DOCK3: variants seen among roughly 807,000 people sequenced by gnomAD.
DOCK3 encodes the protein dedicator of cytokinesis protein 3.
In DOCK3, 60 loss-of-function variants were observed where a neutral mutation model predicts 265.6. That is an observed-to-expected ratio of 0.23 (90% CI 0.18 to 0.28). The LOEUF (loss-of-function observed/expected upper bound fraction) is 0.28. DOCK3 is among the 10% of genes least tolerant of loss of function. The probability of loss-of-function intolerance (pLI) is 1.00; values close to 1 mark genes in which losing one functional copy is unlikely to be tolerated. For missense variants in DOCK3, 1,981 were observed against 2,594.3 expected (o/e 0.76, Z 5.14); for synonymous variants, 881 against 938.0 (o/e 0.94, Z 1.11).
At chr3:51,152,098 T>A (rs2085630432) in intron 10 of DOCK3, among the ~76,000 whole-genome samples, 1 of 152,238 alleles carries the variant, frequency 6.6e-6, no homozygotes, top group East Asian at 1.9e-4. Context: ...GTTTTCCAGC[T>A]TGGTTCCATT....
intron 32 of DOCK3, among the ~76,000 whole-genome samples, chr3:51,329,516 T>G (rs1362203273): frequency 6.6e-6 from 1 of 152,254 alleles, no homozygotes; most frequent in Admixed American, 6.5e-5. Context: ...GTCTTGCTCC[T>G]TATGATTTAG....
At chr3:51,276,283 C>T (rs574923569) in intron 25 of DOCK3, 1 of 822,706 alleles carries the variant, frequency 1.2e-6, no homozygotes, top group Non-Finnish European at 1.5e-6. Context: ...CCAGGTAAGA[C>T]TTGGCAGCTC....
intron 12 of DOCK3, among the ~76,000 whole-genome samples, chr3:51,183,494 C>G (rs2087420026): frequency 6.6e-6 from 1 of 152,122 alleles, no homozygotes; most frequent in Admixed American, 6.6e-5. Flanking sequence ...AGCTGAGACT[C>G]AGATCCCTAT....
At chr3:51,223,281 G>C (rs943909278) in intron 14 of DOCK3, among the ~76,000 whole-genome samples, 1 of 152,018 alleles carries the variant, frequency 6.6e-6, no homozygotes, top group Non-Finnish European at 1.5e-5. Flanking sequence ...ATATAACTAG[G>C]AAAAGTTTGA....
chr3:50,700,704 C>T (rs181574982), intron 1 of DOCK3, among the ~76,000 whole-genome samples: 57 of 152,200 alleles, frequency 3.7e-4, no homozygotes, highest in Non-Finnish European at 6.2e-4. Flanking sequence ...AGGTTGATTC[C>T]GTATCTTGGC....
chr3:51,003,020 C>T (rs1034579365), intron 5 of DOCK3, among the ~76,000 whole-genome samples: 1 of 152,072 alleles, frequency 6.6e-6, no homozygotes, highest in Non-Finnish European at 1.5e-5. Context: ...AGAGATTACT[C>T]CTTAGATATG....
At chr3:51,202,104 T>C (rs867215601) in intron 12 of DOCK3, among the ~76,000 whole-genome samples, 3 of 148,166 alleles carry the variant, frequency 2.0e-5, no homozygotes, top group Non-Finnish European at 4.5e-5. Flanking sequence ...AACATCACAA[T>C]TAAAAGAACT....
At chr3:51,302,326 C>T (rs1434817081) in intron 27 of DOCK3, among the ~76,000 whole-genome samples, 2 of 152,160 alleles carry the variant, frequency 1.3e-5, no homozygotes, top group East Asian at 3.8e-4. Flanking sequence ...TGTATCTTTG[C>T]ACATGAGATG....
At chr3:51,042,316 G>A (rs989246381) in intron 5 of DOCK3, among the ~76,000 whole-genome samples, 1 of 152,176 alleles carries the variant, frequency 6.6e-6, no homozygotes, top group African/African-American at 2.4e-5. Context: ...GACATGAACA[G>A]AACTAAAGAC....
chr3:51,309,300 C>T (rs2082913047), intron 27 of DOCK3, among the ~76,000 whole-genome samples: 2 of 152,238 alleles, frequency 1.3e-5, no homozygotes, highest in Non-Finnish European at 2.9e-5. Flanking sequence ...CACCATTGAG[C>T]ACTGAGTGAA....
intron 10 of DOCK3, among the ~76,000 whole-genome samples, chr3:51,148,426 G>A (rs1363728204): frequency 1.3e-5 from 2 of 152,170 alleles, no homozygotes; most frequent in African/African-American, 2.4e-5. Context: ...CAATGCCTAT[G>A]TCCTGAATGG....
intron 5 of DOCK3, among the ~76,000 whole-genome samples, chr3:50,987,679 A>G (rs1194353288): frequency 6.6e-6 from 1 of 152,160 alleles, no homozygotes; most frequent in Non-Finnish European, 1.5e-5. Context: ...CAAGGAAACA[A>G]TTTGACGCAT....
At chr3:50,905,671 A>G (rs1042711541) in intron 4 of DOCK3, among the ~76,000 whole-genome samples, 59 of 152,110 alleles carry the variant, frequency 3.9e-4, no homozygotes, top group Admixed American at 1.4e-3. Flanking sequence ...GGCTGAGACA[A>G]TGGGGTTTTC....
intron 4 of DOCK3, among the ~76,000 whole-genome samples, chr3:50,900,473 T>G (rs777752799): frequency 2.3e-4 from 35 of 152,230 alleles, no homozygotes; most frequent in Non-Finnish European, 4.1e-4. Context: ...TAAAGCCTAC[T>G]TCTGTCAATT....
intron 1 of DOCK3, among the ~76,000 whole-genome samples, chr3:50,716,196 C>T (rs145619434): frequency 8.7e-4 from 133 of 152,080 alleles, no homozygotes; most frequent in African/African-American, 3.0e-3. Context: ...TCCTTGCTCT[C>T]TGCTTTGTTA....
At chr3:50,867,536 C>T (rs1338343078) in intron 3 of DOCK3, among the ~76,000 whole-genome samples, 1 of 150,242 alleles carries the variant, frequency 6.7e-6, no homozygotes, top group Non-Finnish European at 1.5e-5. Flanking sequence ...TTTCCACATT[C>T]AGTATTATAC....
intron 5 of DOCK3, among the ~76,000 whole-genome samples, chr3:50,966,031 T>G (rs1575627043): frequency 1.9e-3 from 1 of 528 alleles, no homozygotes; most frequent in Non-Finnish European, 0.5. Context: ...CTAAGAGTTC[T>G]TTTTTTTTTT....
rs545087126 is a variant in DOCK3, at chr3:51,037,320, CG to C, written c.316-27127del. Among the ~76,000 whole-genome samples the C allele has an allele frequency of 3.4e-4, 52 of 151,988 alleles. No homozygotes were observed. The South Asian group carries it at 9.8e-3, about 29-fold the overall frequency. On this transcript the variant is annotated intron_variant, in intron 5 of 52. Transcript: ENST00000266037. ...TTTAAAATTTTTTTTTAATTCCATA[CG>C]TTTTTGGGGAACAGGTGGTATTTGG...
At chr3:51,325,683 C>T (rs1410293988) in intron 32 of DOCK3, among the ~76,000 whole-genome samples, 1 of 152,056 alleles carries the variant, frequency 6.6e-6, no homozygotes, top group Non-Finnish European at 1.5e-5. Context: ...CAATGATAGG[C>T]TGGATAAAGA....
Sources: allele counts gnomAD v4.1 joint callset (sites outside exome capture counted in the v4.1 genomes callset), GRCh38; gene constraint gnomAD v4.1.1; transcripts MANE v1.5; gene names NCBI Gene and HGNC (gene_info 2026-07-23, HGNC 2026-07-21).